Variants in GRIK5 observed in about 807,000 individuals in gnomAD.
The protein encoded by GRIK5 is glutamate ionotropic receptor kainate type subunit 5.
GRIK5 carries 43 observed loss-of-function variants against 97.4 expected under a neutral mutation model. That is an observed-to-expected ratio of 0.44 (90% confidence interval 0.35 to 0.57). The LOEUF (loss-of-function observed/expected upper bound fraction) is 0.57, where lower values mean the gene tolerates loss of function less well. Among genes scored for constraint, GRIK5 ranks in the 20% least tolerant of loss-of-function variants. The probability of loss-of-function intolerance (pLI) is 0.01; values close to 1 mark genes in which losing one functional copy is unlikely to be tolerated. For synonymous variants in GRIK5, 580 were observed against 583.5 expected (o/e 0.99, Z 0.09); for missense variants, 1,015 against 1,382.0 (o/e 0.73, Z 4.21).
intron 12 of GRIK5, among the ~76,000 whole-genome samples, chr19:42,031,323 G>C (rs542762138): frequency 6.6e-6 from 1 of 152,212 alleles, no homozygotes; most frequent in Non-Finnish European, 1.5e-5. Flanking sequence ...ATAGAGAATT[G>C]CTTTTGAATT....
chr19:42,067,053 G>C (rs1168441670), intron 1 of GRIK5, among the ~76,000 whole-genome samples: 1 of 152,204 alleles, frequency 6.6e-6, no homozygotes, highest in East Asian at 1.9e-4. Context: ...CAACCACTGG[G>C]CAAGGAGTTT....
chr19:42,056,988 A>G lies in GRIK5; in HGVS notation c.688-10T>C. ...TTCCCAGTTCCGAGGCCTGGAAAACACAGGAGGCAAAGAGGCAGAGTGAGA... is the reference window on the plus strand; with the variant it reads ...TTCCCAGTTCCGAGGCCTGGAAAACGCAGGAGGCAAAGAGGCAGAGTGAGA... On this transcript the variant is annotated splice_polypyrimidine_tract_variant and intron_variant, in intron 6 of 19. Transcript: ENST00000593562. 6.4e-7 allele frequency: 1 copy of G among 1,551,696 alleles called. No homozygotes were observed. The highest frequency in any genetic ancestry group is 2.4e-5 in the East Asian group (1 of 40,952).
Position 42,065,806 on chromosome 19 carries a change from G to T in GRIK5, c.-36C>A, listed in dbSNP as rs2076324155. The T allele has an allele frequency of 6.7e-7, 1 of 1,485,230 alleles. No individual in the cohort carries two copies. Among genetic ancestry groups the T allele is most frequent in the Non-Finnish European group, 9.1e-7 (1 of 1,094,064 alleles). 92.0% of individuals were successfully genotyped at this position (1,485,230 alleles called of 1,614,324 possible). On this transcript the variant is annotated 5_prime_UTR_variant, in exon 2 of 20. Transcript: ENST00000593562. The surrounding 1 kb of genome is among the most constrained non-coding windows in gnomAD (Gnocchi z 5.8). ...TCCTCATGGGGACGCAGCTGCCGCG[G>T]CCCCCACTCGCCACCTGCAGGGAGA...
At chr19:42,039,638 T>C (rs2075953717) in intron 12 of GRIK5, among the ~76,000 whole-genome samples, 1 of 152,088 alleles carries the variant, frequency 6.6e-6, no homozygotes, top group South Asian at 2.1e-4. Flanking sequence ...CAACAAACAT[T>C]GGCTGAATGG....
In GRIK5 at chr19:42,056,914, G is replaced by A. The variant is rs1233199888; in HGVS notation, c.741+11C>T. The A allele has an allele frequency of 1.9e-6, 3 of 1,598,488 alleles. No individual in the cohort carries two copies. Among genetic ancestry groups the A allele is most frequent in the Non-Finnish European group, 8.5e-7 (1 of 1,171,982 alleles). On this transcript the variant is annotated intron_variant, in intron 7 of 19. Transcript: ENST00000593562. ...AAGTGGGGGCAGAGATGGGCCAGAG[G>A]GCATACACACCATGGTGGTGAGGAT... is the stretch of plus-strand genomic sequence containing the variant.
In GRIK5 at chr19:42,065,093, G is replaced by A; in HGVS notation, c.244+130C>T. 1.3e-6 allele frequency: 1 copy of A among 799,594 alleles called. No homozygotes were observed. Among genetic ancestry groups the A allele is most frequent in the Non-Finnish European group, 1.9e-6 (1 of 512,976 alleles). 49.5% of individuals were successfully genotyped at this position (799,594 alleles called of 1,614,324 possible). On this transcript the variant is annotated intron_variant, in intron 3 of 19. Coordinates refer to ENST00000593562, the MANE Select transcript of GRIK5 (RefSeq NM_002088.5). This position sits in a 1 kb window ranked among gnomAD's most constrained non-coding sequence, Gnocchi z 5.8. ...CAGCCATGTCTGGGAAGAAGGCAGA[G>A]ACAAACACAAAGAAGGGGGAGGATG...
In GRIK5 at chr19:42,062,420, G is replaced by C; in HGVS notation, c.508+68C>G. On this transcript the variant is annotated intron_variant, in intron 5 of 19. Coordinates refer to ENST00000593562, the MANE Select transcript of GRIK5 (RefSeq NM_002088.5). The surrounding 1 kb of genome is among the most constrained non-coding windows in gnomAD (Gnocchi z 5.3). ...ACTAGGGGGCAGTGAACCACTGTGT[G>C]GGACACCAGATCTCTTGGGAAGGGG... The C allele has an allele frequency of 2.0e-6, 3 of 1,526,996 alleles. No homozygotes were observed. The highest frequency in any genetic ancestry group is 1.8e-6 in the Non-Finnish European group (2 of 1,115,104). 94.6% of individuals were successfully genotyped at this position (1,526,996 alleles called of 1,614,324 possible). A position where few individuals can be genotyped will look rare whatever the true frequency, so the allele number is the denominator to read the frequency against.
chr19:42,045,809 C>T (rs1181395173), intron 11 of GRIK5, among the ~76,000 whole-genome samples: 1 of 152,176 alleles, frequency 6.6e-6, no homozygotes, highest in Non-Finnish European at 1.5e-5. Flanking sequence ...AGTATTATTA[C>T]GTCTCTTTTA....
chr19:42,053,577 C>A, intron 11 of GRIK5, 25 bp downstream of exon 11: 2 of 1,378,334 alleles, frequency 1.5e-6, no homozygotes, highest in Non-Finnish European at 2.1e-6. Context: ...GCGCCACTCC[C>A]AGGCCCCCAT....
chr19:42,036,946 AG>A (rs2075913665), intron 12 of GRIK5, among the ~76,000 whole-genome samples: 1 of 152,176 alleles, frequency 6.6e-6, no homozygotes, highest in Non-Finnish European at 1.5e-5. Flanking sequence ...TCCCCATTTG[AG>A]GAGACACTAA....
chr19:42,026,996 A>G (rs1351368938), intron 12 of GRIK5, among the ~76,000 whole-genome samples: 1 of 152,082 alleles, frequency 6.6e-6, no homozygotes, highest in Non-Finnish European at 1.5e-5. Flanking sequence ...ACCTGGCCCC[A>G]AAACGTCCCG....
At chr19:42,001,009 G>T (rs2075418670) in intron 19 of GRIK5, among the ~76,000 whole-genome samples, 1 of 152,128 alleles carries the variant, frequency 6.6e-6, no homozygotes, top group Non-Finnish European at 1.5e-5. Context: ...GGGCTCAGCT[G>T]CCTTTCATGT....
chr19:42,022,774 G>A lies in GRIK5; in HGVS notation c.1474-420C>T, dbSNP rs2075717740. On this transcript the variant is annotated intron_variant, in intron 12 of 19. Transcript: ENST00000593562. This position sits in a 1 kb window ranked among gnomAD's most constrained non-coding sequence, Gnocchi z 4.2. ...CACAGAGCAGGGAGAGAGGAGGCAG[G>A]GCCCAGAAATGACCCCGGGTGGGGA... The A allele has an allele frequency of 1.7e-6, 1 of 604,952 alleles. No homozygotes were observed. Among genetic ancestry groups the A allele is most frequent in the Non-Finnish European group, 2.1e-6 (1 of 482,946 alleles). The allele number at this position is 604,952 out of a possible 1,614,324, so 37.5% of individuals were successfully genotyped here. A position where few individuals can be genotyped will look rare whatever the true frequency, so the allele number is the denominator to read the frequency against.
Position 42,042,534 on chromosome 19 carries a change from G to T in GRIK5, c.1473+18C>A. The T allele has an allele frequency of 6.3e-7, 1 of 1,594,544 alleles. No homozygotes were observed. The highest frequency in any genetic ancestry group is 8.5e-7 in the Non-Finnish European group (1 of 1,170,434). On this transcript the variant is annotated intron_variant, in intron 12 of 19. Transcript: ENST00000593562. This position sits in a 1 kb window ranked among gnomAD's most constrained non-coding sequence, Gnocchi z 6.9. Reference sequence around the variant, plus strand: ...TCGCCGGGTCCATGCATCTTTCCCGGCCCCAGTCCAGCCATACCCGGTTGA... The same window carrying T: ...TCGCCGGGTCCATGCATCTTTCCCGTCCCCAGTCCAGCCATACCCGGTTGA...
In GRIK5 at chr19:42,042,923, C is replaced by T; in HGVS notation, c.1270-168G>A. ...ACAAATGCTCAGAGTGGGGAATAGA[C>T]CTGAAAGCCAGGGAAAAACACATGG... On this transcript the variant is annotated intron_variant, in intron 11 of 19. Transcript: ENST00000593562. The surrounding 1 kb of genome is among the most constrained non-coding windows in gnomAD (Gnocchi z 6.9). The T allele has an allele frequency of 4.9e-6, 3 of 618,328 alleles. No individual in the cohort carries two copies. Among genetic ancestry groups the T allele is most frequent in the Non-Finnish European group, 8.5e-6 (3 of 353,890 alleles). The allele number at this position is 618,328 out of a possible 1,614,324, so 38.3% of individuals were successfully genotyped here. A position where few individuals can be genotyped will look rare whatever the true frequency, so the allele number is the denominator to read the frequency against.
intron 11 of GRIK5, among the ~76,000 whole-genome samples, chr19:42,045,082 G>A (rs558513655): frequency 9.2e-5 from 14 of 152,298 alleles, no homozygotes; most frequent in African/African-American, 2.6e-4. Context: ...ATGTGGACAC[G>A]GAGGCTCAAA....
At chr19:42,044,730 G>A (rs1420615196) in intron 11 of GRIK5, among the ~76,000 whole-genome samples, 1 of 152,222 alleles carries the variant, frequency 6.6e-6, no homozygotes, top group Non-Finnish European at 1.5e-5. Flanking sequence ...CAGGTGGATG[G>A]CTTGAGCCCA....
chr19:42,010,420 A>G (rs782416947), intron 15 of GRIK5, among the ~76,000 whole-genome samples: 3 of 152,252 alleles, frequency 2.0e-5, no homozygotes, highest in Non-Finnish European at 2.9e-5. Context: ...TCTTAAAAGC[A>G]GCTAGAAGGG....
intron 5 of GRIK5, among the ~76,000 whole-genome samples, chr19:42,060,548 G>A (rs1238636032): frequency 6.6e-6 from 1 of 151,774 alleles, no homozygotes; most frequent in Non-Finnish European, 1.5e-5. Context: ...CAAGAGCCAG[G>A]CCTGGCACAT....
Sources: allele counts gnomAD v4.1 joint callset (sites outside exome capture counted in the v4.1 genomes callset), GRCh38; gene constraint gnomAD v4.1.1; non-coding constraint Gnocchi (gnomAD v3.1); transcripts MANE v1.5; gene names NCBI Gene and HGNC (gene_info 2026-07-23, HGNC 2026-07-21).